Variants in ZNF77 observed in about 807,000 individuals in gnomAD.
ZNF77 encodes the protein zinc finger protein 77, also known as ZNFpT1.
In ZNF77, 15 loss-of-function variants were observed where a neutral mutation model predicts 13.5. That is an observed-to-expected ratio of 1.11 (90% confidence interval 0.74 to 1.71). ZNF77 has a LOEUF of 1.71. Ranked by LOEUF, ZNF77 falls within the 40% of genes most tolerant of loss-of-function variation. ZNF77 has a pLI of 0.00. For synonymous variants in ZNF77, 282 were observed against 250.0 expected (o/e 1.13, Z -1.21); for missense variants, 717 against 676.4 (o/e 1.06, Z -0.67).
At position 2,944,964 on chromosome 19, in the gene ZNF77, C is replaced by G; in HGVS notation, c.-124G>C. ...GGGAAGCGCGCAAGGCAGAGGGGAA[C>G]TCGGCTTACCGTCCTCGGGGTCTGA... On this transcript the variant is annotated 5_prime_UTR_variant, in exon 1 of 4. Coordinates refer to ENST00000314531, the MANE Select transcript of ZNF77 (RefSeq NM_021217.3). 7.9e-7 allele frequency: 1 copy of G among 1,265,492 alleles called. No homozygotes were observed. Among genetic ancestry groups the G allele is most frequent in the Non-Finnish European group, 1.1e-6 (1 of 951,168 alleles). The allele number at this position is 1,265,492 out of a possible 1,614,324, so 78.4% of individuals were successfully genotyped here. A position where few individuals can be genotyped will look rare whatever the true frequency, so the allele number is the denominator to read the frequency against.
At chr19:2,939,788 A>C (rs1204210415) in intron 1 of ZNF77, 1 of 231,510 alleles carries the variant, frequency 4.3e-6, no homozygotes, top group Non-Finnish European at 8.6e-6. Flanking sequence ...CCTGGGCTGC[A>C]TAGTGAGATC....
At chr19:2,939,531 A>G in intron 1 of ZNF77, 124 bp from the exon 2 acceptor site, 1 of 1,423,912 alleles carries the variant, frequency 7.0e-7, no homozygotes, top group Non-Finnish European at 9.5e-7. Flanking sequence ...GTGAGAGGTG[A>G]CCAACAGTAT....
At chr19:2,939,682 C>A (rs964025266) in intron 1 of ZNF77, 15 of 418,662 alleles carry the variant, frequency 3.6e-5, no homozygotes, top group Non-Finnish European at 5.3e-5. Flanking sequence ...AATCTGAAAA[C>A]ATCATTAAGC....
Position 2,942,473 on chromosome 19 carries a change from C to CT in ZNF77, c.3+2364dup, listed in dbSNP as rs1371550200. ...TCGTGGGCTCAAGCGATTCTCCCCCCTCAGCCTCTCAAGTGGCTGGGACCA... is the reference window on the plus strand; with the variant it reads ...TCGTGGGCTCAAGCGATTCTCCCCCCTTCAGCCTCTCAAGTGGCTGGGACCA... On this transcript the variant is annotated intron_variant, in intron 1 of 3. Coordinates refer to ENST00000314531, the MANE Select transcript of ZNF77 (RefSeq NM_021217.3). 1.1e-4 allele frequency among the ~76,000 whole-genome samples: 16 copies of CT among 151,434 alleles called. 1 individual carries two copies. In the East Asian group the frequency reaches 3.1e-3, roughly 29 times the overall value.
rs570556930 is a variant in ZNF77 at position 2,936,056 on chromosome 19, TAAATA to T, written c.311+463_311+467del. Among the ~76,000 whole-genome samples, 733 of 146,594 alleles carry T rather than the reference TAAATA, an allele frequency of 5.0e-3. 5 individuals are homozygous for T. Among genetic ancestry groups the T allele is most frequent in the African/African-American group, 0.017 (697 of 40,032 alleles). On this transcript the variant is annotated intron_variant, in intron 3 of 3. Coordinates refer to ENST00000314531, the MANE Select transcript of ZNF77 (RefSeq NM_021217.3). The stretch of plus-strand genomic sequence containing the variant: ...TAAATAAAATAAAAATAAAATAAAA[TAAATA>T]AAAGTAATTATTAAAATATATTTTT...
rs1416312329 is a variant in ZNF77, at chr19:2,944,907, C to A, written c.-67G>T. 6.0e-6 allele frequency: 9 copies of A among 1,499,936 alleles called. No homozygotes were observed. The highest frequency in any genetic ancestry group is 2.6e-5 in the East Asian group (1 of 38,726). The allele number at this position is 1,499,936 out of a possible 1,614,324, so 92.9% of individuals were successfully genotyped here. On this transcript the variant is annotated 5_prime_UTR_variant, in exon 1 of 4. Coordinates refer to ENST00000314531, the MANE Select transcript of ZNF77 (RefSeq NM_021217.3). ...GTCCAGCGACCGGCGCAGGTGAGCACGACAGGACACCTGAGCCGCTCGGGG... is the reference window on the plus strand; with the variant it reads ...GTCCAGCGACCGGCGCAGGTGAGCAAGACAGGACACCTGAGCCGCTCGGGG...
intron 2 of ZNF77, among the ~76,000 whole-genome samples, chr19:2,938,123 G>C (rs2088414003): frequency 6.6e-6 from 1 of 152,108 alleles, no homozygotes; most frequent in African/African-American, 2.4e-5. Flanking sequence ...CTCCTCCCGA[G>C]GGCTGCTGCT....
intron 2 of ZNF77, among the ~76,000 whole-genome samples, chr19:2,937,044 C>G (rs573458468): frequency 3.3e-5 from 5 of 152,096 alleles, no homozygotes; most frequent in African/African-American, 1.2e-4. Context: ...TTTAAATTAG[C>G]CAGGCGTGGT....
In ZNF77 at chr19:2,934,632, C is replaced by T; in HGVS notation, c.495G>A (p.Lys165=). 1.2e-6 allele frequency: 2 copies of T among 1,614,178 alleles called. No individual in the cohort carries two copies. The highest frequency in any genetic ancestry group is 1.7e-6 in the Non-Finnish European group (2 of 1,180,020). ...GGCAGCTGCAGGCTTGCCCACATTCCTTACACGGTCTCTGTCCAGTGTGAG... is the reference window on the plus strand; with the variant it reads ...GGCAGCTGCAGGCTTGCCCACATTCTTTACACGGTCTCTGTCCAGTGTGAG... ...QRSHTGQRPC[K]ECGQACSCLS... is the part of the protein sequence containing the mutation. The change falls in exon 4 of 4, where the codon AAG becomes AAA. Residue 165 remains lysine (K), a synonymous_variant. Transcript: ENST00000314531.
At position 2,938,911 on chromosome 19, in the gene ZNF77, G is replaced by A. The variant is rs180965396; in HGVS notation, c.130+370C>T. Among the ~76,000 whole-genome samples the A allele has an allele frequency of 4.9e-3, 751 of 151,762 alleles. 3 individuals carry two copies. Among genetic ancestry groups the A allele is most frequent in the Non-Finnish European group, 7.8e-3 (527 of 67,972 alleles). ...GCGGAGCTTGCAGTGAGCCGAGATC[G>A]TGCCACTGCACTCCAGCTTGGGCGA... On this transcript the variant is annotated intron_variant, in intron 2 of 3. Transcript: ENST00000314531.
At chr19:2,944,606 C>G (rs1162533161) in intron 1 of ZNF77, among the ~76,000 whole-genome samples, 1 of 151,990 alleles carries the variant, frequency 6.6e-6, no homozygotes, top group African/African-American at 2.4e-5. Flanking sequence ...AACTCCTGAC[C>G]TGTACTGTCC....
chr19:2,942,731 G>C (rs1362351056), intron 1 of ZNF77, among the ~76,000 whole-genome samples: 4 of 151,954 alleles, frequency 2.6e-5, no homozygotes, highest in African/African-American at 9.7e-5. Flanking sequence ...ATACGACTTA[G>C]ATAAGATTCA....
In ZNF77 at chr19:2,933,777, G is replaced by C. The variant is rs140487750; in HGVS notation, c.1350C>G (p.Ser450=). 17 of 1,613,060 alleles carry C rather than the reference G, an allele frequency of 1.1e-5. No homozygotes were observed. The highest frequency in any genetic ancestry group is 1.4e-5 in the Non-Finnish European group (17 of 1,179,314). The change falls in exon 4 of 4, where the codon TCC becomes TCG. Residue 450 remains serine (S), a synonymous_variant. Transcript: ENST00000314531. ...HCGKAFSCHS[S]LREHVRTHSG... ...TGTGGGTTCGCACATGCTCTCGAAG[G>C]GAGGAGTGACAGCTGAAGGCTTTCC...
intron 3 of ZNF77, among the ~76,000 whole-genome samples, chr19:2,935,875 G>T (rs951072814): frequency 2.0e-5 from 3 of 151,868 alleles, no homozygotes; most frequent in Non-Finnish European, 4.4e-5. Context: ...AATTAGCCAG[G>T]TGCAGTGGTG....
intron 1 of ZNF77, among the ~76,000 whole-genome samples, chr19:2,941,508 A>C (rs952114578): frequency 8.6e-5 from 13 of 152,008 alleles, no homozygotes; most frequent in African/African-American, 3.1e-4. Flanking sequence ...GAACACAGCC[A>C]AATCACCACT....
At chr19:2,939,593 A>G (rs1333616216) in intron 1 of ZNF77, 186 bp from the exon 2 acceptor site, 4 of 727,636 alleles carry the variant, frequency 5.5e-6, no homozygotes, top group Admixed American at 3.0e-5. Flanking sequence ...CAGGGAGCAA[A>G]GCGCAATGAC....
At chr19:2,935,104 C>A in intron 3 of ZNF77, among the ~76,000 whole-genome samples, 1 of 152,100 alleles carries the variant, frequency 6.6e-6, no homozygotes, top group Non-Finnish European at 1.5e-5. Flanking sequence ...CTGCAAGCTC[C>A]ACCTCCCAGG....
chr19:2,936,850 G>T, intron 2 of ZNF77, 146 bp from the exon 3 acceptor site: 1 of 738,266 alleles, frequency 1.4e-6, no homozygotes, highest in South Asian at 2.0e-5. Context: ...AGACTCTGAG[G>T]ACCTCATCTA....
chr19:2,944,950 A>G lies in ZNF77; in HGVS notation c.-110T>C. The stretch of plus-strand genomic sequence containing the variant: ...GCTCGGGGTAGGCGGGGAAGCGCGC[A>G]AGGCAGAGGGGAACTCGGCTTACCG... On this transcript the variant is annotated 5_prime_UTR_variant, in exon 1 of 4. Transcript: ENST00000314531. 7.3e-7 allele frequency: 1 copy of G among 1,375,644 alleles called. No individual in the cohort carries two copies. Among genetic ancestry groups the G allele is most frequent in the East Asian group, 2.8e-5 (1 of 36,064 alleles). The allele number at this position is 1,375,644 out of a possible 1,614,324, so 85.2% of individuals were successfully genotyped here.
Sources: allele counts gnomAD v4.1 joint callset (sites outside exome capture counted in the v4.1 genomes callset), GRCh38; gene constraint gnomAD v4.1.1; transcripts MANE v1.5; gene names NCBI Gene and HGNC (gene_info 2026-07-23, HGNC 2026-07-21).